The following CLVS1 variants were observed in gnomAD, a reference collection of about 807,000 sequenced individuals.
CLVS1 encodes the protein clavesin 1.
CLVS1 carries 10 observed loss-of-function variants against 33.1 expected under a neutral mutation model. That is an observed-to-expected ratio of 0.30 (90% CI 0.19 to 0.51). The LOEUF is 0.51. Ranked by LOEUF, CLVS1 falls within the 20% of genes least tolerant of loss-of-function variation. The pLI, the probability that CLVS1 is intolerant of heterozygous loss-of-function variation, is 0.97. For missense variants in CLVS1, 343 were observed against 433.4 expected (o/e 0.79, Z 1.85); for synonymous variants, 163 against 166.1 (o/e 0.98, Z 0.14).
the CLVS1 span, among the ~76,000 whole-genome samples, chr8:60,988,785 A>G: frequency 4.5e-4 from 69 of 152,244 alleles, no homozygotes; most frequent in African/African-American, 1.6e-3. Context: ...CTTGCCATAA[A>G]TGATAATTGT....
intron 2 of CLVS1, among the ~76,000 whole-genome samples, chr8:61,161,959 G>A (rs1025545398): frequency 1.3e-5 from 2 of 150,234 alleles, no homozygotes; most frequent in African/African-American, 2.5e-5. Context: ...AAACTGCAAG[G>A]AAATATAATT....
intron 2 of CLVS1, among the ~76,000 whole-genome samples, chr8:61,341,615 C>A (rs564431009): frequency 6.6e-6 from 1 of 152,172 alleles, no homozygotes; most frequent in Admixed American, 6.5e-5. Flanking sequence ...CCTCCGTGAA[C>A]GGCAATCCAA....
At chr8:61,115,698 A>G (rs1805708101) in intron 1 of CLVS1, among the ~76,000 whole-genome samples, 1 of 151,240 alleles carries the variant, frequency 6.6e-6, no homozygotes, top group Non-Finnish European at 1.5e-5. Flanking sequence ...TACAAAGGAC[A>G]TGAACTCATC....
the CLVS1 span, among the ~76,000 whole-genome samples, chr8:60,996,628 C>T: frequency 3.9e-5 from 6 of 152,174 alleles, no homozygotes; most frequent in African/African-American, 1.4e-4. Context: ...TCTTCTTGTT[C>T]CCAGGTTCCC....
intron 2 of CLVS1, among the ~76,000 whole-genome samples, chr8:61,361,893 CAG>C (rs1812995272): frequency 6.6e-6 from 1 of 152,108 alleles, no homozygotes; most frequent in African/African-American, 2.4e-5. Flanking sequence ...TAATAGGGTA[CAG>C]AGACTGAACA....
At chr8:61,355,742 G>C (rs373769341) in intron 2 of CLVS1, among the ~76,000 whole-genome samples, 35 of 149,016 alleles carry the variant, frequency 2.3e-4, no homozygotes, top group South Asian at 1.9e-3. Context: ...AGGACATGAA[G>C]TCATCATTTT....
At chr8:60,997,752 A>G in the CLVS1 span, among the ~76,000 whole-genome samples, 5 of 152,192 alleles carry the variant, frequency 3.3e-5, no homozygotes, top group South Asian at 2.1e-4. Context: ...CACCAACGAA[A>G]GGTGAGGCTG....
intron 1 of CLVS1, among the ~76,000 whole-genome samples, chr8:61,296,931 G>A (rs540093004): frequency 6.6e-6 from 1 of 152,270 alleles, no homozygotes; most frequent in South Asian, 2.1e-4. Context: ...AGAGAGAAAG[G>A]AAAATGGCAG....
At chr8:61,396,939 A>G (rs1419919308) in intron 3 of CLVS1, among the ~76,000 whole-genome samples, 3 of 152,160 alleles carry the variant, frequency 2.0e-5, no homozygotes, top group Non-Finnish European at 2.9e-5. Context: ...TTTGTCAGTT[A>G]ATGGCTATTT....
the CLVS1 span, among the ~76,000 whole-genome samples, chr8:61,020,544 G>A: frequency 6.6e-6 from 1 of 152,174 alleles, no homozygotes; most frequent in Non-Finnish European, 1.5e-5. Flanking sequence ...CCAAGCACGT[G>A]GCACTTTAGG....
Position 61,379,551 on chromosome 8 carries a change from C to A in CLVS1, c.630+2772C>A, listed in dbSNP as rs552156918. 1.1e-3 allele frequency among the ~76,000 whole-genome samples: 163 copies of A among 152,238 alleles called. 1 individual carries two copies. In the South Asian group the frequency reaches 0.033, roughly 31 times the overall value. On this transcript the variant is annotated intron_variant, in intron 3 of 5. Transcript: ENST00000325897. ...TGGTTCCAGAACCTGGAGCTTTAGTCCTATTACCATGGTTCCTAGTTCTCC... is the reference window on the plus strand; with the variant it reads ...TGGTTCCAGAACCTGGAGCTTTAGTACTATTACCATGGTTCCTAGTTCTCC...
At chr8:61,395,221 A>G (rs1310646777) in intron 3 of CLVS1, among the ~76,000 whole-genome samples, 1 of 152,202 alleles carries the variant, frequency 6.6e-6, no homozygotes, top group Non-Finnish European at 1.5e-5. Context: ...GACAAATATC[A>G]TATGAAGTCA....
chr8:61,002,134 AT>A, the CLVS1 span, among the ~76,000 whole-genome samples: 1 of 151,724 alleles, frequency 6.6e-6, no homozygotes, highest in South Asian at 2.1e-4. Flanking sequence ...ATATGTTACC[AT>A]GCCTGGCTAA....
chr8:61,244,670 T>C (rs759816640), intron 2 of CLVS1, among the ~76,000 whole-genome samples: 1 of 152,190 alleles, frequency 6.6e-6, no homozygotes, highest in Non-Finnish European at 1.5e-5. Context: ...GGCTCATTAA[T>C]TGTAAAAAAT....
intron 2 of CLVS1, among the ~76,000 whole-genome samples, chr8:61,335,500 A>G (rs1397016454): frequency 2.6e-5 from 4 of 152,194 alleles, no homozygotes; most frequent in African/African-American, 4.8e-5. Flanking sequence ...AGATCATCAA[A>G]ACCAAGGTGC....
At chr8:61,016,081 T>A in the CLVS1 span, among the ~76,000 whole-genome samples, 4 of 152,218 alleles carry the variant, frequency 2.6e-5, no homozygotes, top group African/African-American at 9.6e-5. Flanking sequence ...GATGGCTCAG[T>A]GTACACAATC....
At chr8:61,478,502 T>C (rs1269294112) in intron 5 of CLVS1, among the ~76,000 whole-genome samples, 6 of 152,276 alleles carry the variant, frequency 3.9e-5, no homozygotes, top group Non-Finnish European at 7.3e-5. Context: ...TGGGTGCTCC[T>C]GTATTGGGTA....
chr8:61,103,911 T>C (rs1338442429), intron 1 of CLVS1, among the ~76,000 whole-genome samples: 1 of 152,248 alleles, frequency 6.6e-6, no homozygotes, highest in Non-Finnish European at 1.5e-5. Context: ...TAGATTCTAA[T>C]GTATCATCCC....
At position 61,363,804 on chromosome 8, in the gene CLVS1, G is replaced by C. The variant is rs116605381; in HGVS notation, c.456-12801G>C. On this transcript the variant is annotated intron_variant, in intron 2 of 5. Transcript: ENST00000325897. ...CCAGGGAACAAAAGTAGGTCCAATA[G>C]AGCTCTCAGCCCACTGGTTTATGAA... Among the ~76,000 whole-genome samples, 1,444 of 152,296 alleles carry C rather than the reference G, an allele frequency of 9.5e-3. 36 individuals carry two copies. Among genetic ancestry groups the C allele is most frequent in the African/African-American group, 0.032 (1,347 of 41,554 alleles).
Sources: allele counts gnomAD v4.1 joint callset (sites outside exome capture counted in the v4.1 genomes callset), GRCh38; gene constraint gnomAD v4.1.1; transcripts MANE v1.5; gene names NCBI Gene and HGNC (gene_info 2026-07-23, HGNC 2026-07-21).